TTF1: variants seen among roughly 807,000 people sequenced by gnomAD.
TTF1 encodes the protein transcription termination factor 1, also known as transcription termination factor, RNA polymerase I.
A neutral mutation model predicts 80.2 loss-of-function variants in TTF1; 64 were observed. The observed-to-expected ratio is 0.80, with a 90% confidence interval of 0.65 to 0.98. TTF1 has a LOEUF of 0.98. TTF1 is among the 50% of genes least tolerant of loss of function. TTF1 has a pLI of 0.00. For missense variants in TTF1, 1,023 were observed against 1,086.2 expected (o/e 0.94, Z 0.82); for synonymous variants, 372 against 382.7 (o/e 0.97, Z 0.33).
At chr9:132,378,421 GTGCATGTGGTGTGTGAA>G (rs774852645) in intron 10 of TTF1, among the ~76,000 whole-genome samples, 4,907 of 93,798 alleles carry the variant, frequency 0.052, 589 homozygotes, top group East Asian at 0.16. Context: ...TGTGGTGTGA[GTGCATGTGGTGTGTGAA>G]TGCATGTGGT....
chr9:132,401,977 T>G lies in TTF1; in HGVS notation c.845A>C (p.Lys282Thr). The G allele has an allele frequency of 1.2e-6, 2 of 1,613,944 alleles. No homozygotes were observed. Among genetic ancestry groups the G allele is most frequent in the South Asian group, 1.1e-5 (1 of 91,062 alleles). ...TGCCTCAAATTCCTGGTGATTGGAC[T>G]TTTTCTTCTTTTTTTTCTTAGACTT... ...KKKSKKKKKK[K>T]SNHQEFEALA... Residue 282 changes from lysine to threonine, a missense_variant, in exon 2 of 11, where the codon AAG becomes ACG. By Grantham distance (78) the Lys-to-Thr change is moderately conservative. Coordinates refer to ENST00000334270, the MANE Select transcript of TTF1 (RefSeq NM_007344.4).
intron 6 of TTF1, 43 bp from the exon 7 acceptor site, chr9:132,390,874 G>T: frequency 6.5e-7 from 1 of 1,534,638 alleles, no homozygotes; most frequent in South Asian, 1.2e-5. Flanking sequence ...TAGTCTATTT[G>T]CTTTCAAACA....
chr9:132,399,260 C>A, intron 3 of TTF1, among the ~76,000 whole-genome samples: 1 of 146,724 alleles, frequency 6.8e-6, no homozygotes, highest in Admixed American at 6.8e-5. Context: ...ATAAAAATTT[C>A]AACACAATAC....
intron 9 of TTF1, among the ~76,000 whole-genome samples, chr9:132,385,969 A>T (rs1261752222): frequency 6.6e-6 from 1 of 152,220 alleles, no homozygotes; most frequent in African/African-American, 2.4e-5. Context: ...AATGCCTGGC[A>T]TATAGGCACC....
In TTF1 at chr9:132,384,229, AT is replaced by A. The variant is rs1410445170; in HGVS notation, c.2378+2326del. On this transcript the variant is annotated intron_variant, in intron 9 of 10. Transcript: ENST00000334270. The surrounding 1 kb of genome is among the most constrained non-coding windows in gnomAD (Gnocchi z 4.1). ...CCTAATAAAGTTTCTGAAAAAAATA[AT>A]TGGGCATTGCTAATAAAGCAGTACT... 6.6e-6 allele frequency among the ~76,000 whole-genome samples: 1 copy of A among 152,198 alleles called. No individual in the cohort carries two copies. The highest frequency in any genetic ancestry group is 2.4e-5 in the African/African-American group (1 of 41,448).
At chr9:132,396,687 TGA>T (rs1849657700) in intron 4 of TTF1, among the ~76,000 whole-genome samples, 176 bp from the exon 5 acceptor site, 1 of 135,842 alleles carries the variant, frequency 7.4e-6, no homozygotes, top group Non-Finnish European at 1.6e-5. Flanking sequence ...TTTTTTTTTT[TGA>T]GAGAGTCTCA....
rs1849761429 is a variant in TTF1 at position 132,401,499 on chromosome 9, T to C, written c.1323A>G (p.Lys441=). Reference sequence around the variant, plus strand: ...GCTTGCTTGCCAAACAGGCCTGGGTTTTCTTTTGTCGGGGCCTAGATTTCA... The same window carrying C: ...GCTTGCTTGCCAAACAGGCCTGGGTCTTCTTTTGTCGGGGCCTAGATTTCA... ...EGVKSRPRQK[K]TQACLASKHV... is the part of the protein sequence containing the mutation. The change falls in exon 2 of 11, where the codon AAA becomes AAG. Residue 441 remains lysine (K), a synonymous_variant. Transcript: ENST00000334270. The C allele has an allele frequency of 1.2e-6, 2 of 1,613,872 alleles. No individual in the cohort carries two copies.
chr9:132,396,303 C>A (rs1849646424), intron 5 of TTF1, 130 bp downstream of exon 5: 5 of 901,216 alleles, frequency 5.5e-6, no homozygotes, highest in African/African-American at 3.3e-5. Flanking sequence ...ACAACAAATA[C>A]ACCACCTGGT....
At chr9:132,392,591 T>C (rs1485033707) in intron 5 of TTF1, among the ~76,000 whole-genome samples, 6 of 152,182 alleles carry the variant, frequency 3.9e-5, no homozygotes, top group African/African-American at 1.4e-4. Context: ...GAAGTCCCCG[T>C]TGATTGCTCC....
At chr9:132,387,943 C>G (rs1457538626) in intron 8 of TTF1, among the ~76,000 whole-genome samples, 196 bp downstream of exon 8, 3 of 152,202 alleles carry the variant, frequency 2.0e-5, no homozygotes, top group African/African-American at 7.2e-5. Context: ...GTACGATTAT[C>G]GTCATCCTCA....
In TTF1 at chr9:132,403,694, A is replaced by G. The variant is rs180894350; in HGVS notation, c.-7-866T>C. ...TAAAAAAAAAAGACAAAGAAAAAAG[A>G]AAACAAGGAAGAAAAAGATGGTTTA... On this transcript the variant is annotated intron_variant, in intron 1 of 10. Coordinates refer to ENST00000334270, the MANE Select transcript of TTF1 (RefSeq NM_007344.4). Among the ~76,000 whole-genome samples the G allele has an allele frequency of 1.9e-3, 291 of 152,304 alleles. 1 individual carries two copies. Among genetic ancestry groups the G allele is most frequent in the Non-Finnish European group, 3.0e-3 (203 of 68,026 alleles).
chr9:132,396,451 A>G lies in TTF1; in HGVS notation c.1838T>C (p.Val613Ala). 1 of 1,614,204 alleles carries G rather than the reference A, an allele frequency of 6.2e-7. No homozygotes were observed. Among genetic ancestry groups the G allele is most frequent in the Non-Finnish European group, 8.5e-7 (1 of 1,180,032 alleles). The change falls in exon 5 of 11, where the codon GTC becomes GCC. Residue 613 changes from valine to alanine, a missense_variant. By Grantham distance (64) the Val-to-Ala change is moderately conservative. Coordinates refer to ENST00000334270, the MANE Select transcript of TTF1 (RefSeq NM_007344.4). ...IYYRAKKMFD[V>A]NNYKGRYSEG... is the part of the protein sequence containing the mutation. ...TTCTTACCTGCCTTTGTAATTGTTG[A>G]CATCGAACATCTTCTTTGCTCGATA...
In TTF1 at chr9:132,390,730, C is replaced by T; in HGVS notation, c.2089G>A (p.Val697Met). The T allele has an allele frequency of 3.7e-6, 6 of 1,614,238 alleles. No individual in the cohort carries two copies. Among genetic ancestry groups the T allele is most frequent in the Non-Finnish European group, 5.1e-6 (6 of 1,180,056 alleles). ...GGATTTTCTTGGAGTTTGGAATCCA[C>T]CTCTTTTAACTCCTGGGGAGACATC... is the stretch of plus-strand genomic sequence containing the variant. ...KKMSPQELKE[V>M]DSKLQENPES... The change falls in exon 7 of 11, where the codon GTG becomes ATG. Residue 697 changes from valine to methionine, a missense_variant. Val to Met is a conservative substitution (Grantham distance 21, BLOSUM62 1). Transcript: ENST00000334270.
chr9:132,385,277 T>C (rs1849440655), intron 9 of TTF1, among the ~76,000 whole-genome samples: 1 of 152,138 alleles, frequency 6.6e-6, no homozygotes, highest in Non-Finnish European at 1.5e-5. Context: ...CACGTGGCAC[T>C]GGTATTTTTT....
Position 132,375,978 on chromosome 9 carries a change from C to T in TTF1, c.2655G>A (p.Ala885=), listed in dbSNP as rs111275070. The T allele has an allele frequency of 5.9e-5, 95 of 1,612,796 alleles. 2 individuals carry two copies. In the African/African-American group the frequency reaches 6.7e-4, roughly 11 times the overall value. ...EDIEKESEGQ[A]PCMAHACNSS... is the part of the protein sequence containing the mutation. The stretch of plus-strand genomic sequence containing the variant: ...AATTACAGGCGTGAGCCATGCATGG[C>T]GCCTGGCCTTCGCTTTCTTTTTCTA... The change falls in exon 11 of 11, where the codon GCG becomes GCA. Residue 885 remains alanine, a synonymous_variant. Coordinates refer to ENST00000334270, the MANE Select transcript of TTF1 (RefSeq NM_007344.4).
chr9:132,393,237 T>TCATCCTAC (rs1849589500), intron 5 of TTF1, among the ~76,000 whole-genome samples: 3 of 151,860 alleles, frequency 2.0e-5, no homozygotes, highest in Non-Finnish European at 4.4e-5. Context: ...TAAAGTGCAT[T>TCATCCTAC]CATCCTACAT....
chr9:132,390,143 C>T (rs993805219), intron 7 of TTF1, among the ~76,000 whole-genome samples: 1 of 151,908 alleles, frequency 6.6e-6, no homozygotes, highest in Non-Finnish European at 1.5e-5. Context: ...CCACACTTGG[C>T]TAATTTTTGT....
chr9:132,376,703 C>T (rs1849184150), intron 10 of TTF1, among the ~76,000 whole-genome samples: 1 of 150,470 alleles, frequency 6.6e-6, no homozygotes, highest in South Asian at 2.1e-4. Flanking sequence ...CGCTCTGTCA[C>T]CCCAGCTGAA....
In TTF1 at chr9:132,396,515, A is replaced by C; in HGVS notation, c.1778-4T>G. 6.2e-7 allele frequency: 1 copy of C among 1,613,988 alleles called. No individual in the cohort carries two copies. Among genetic ancestry groups the C allele is most frequent in the Non-Finnish European group, 8.5e-7 (1 of 1,179,894 alleles). On this transcript the variant is annotated splice_region_variant and splice_polypyrimidine_tract_variant and intron_variant, in intron 4 of 10. Coordinates refer to ENST00000334270, the MANE Select transcript of TTF1 (RefSeq NM_007344.4). The stretch of plus-strand genomic sequence containing the variant: ...CAGGGCCGGGCAATGTTCCTACCTA[A>C]AGTCAGAAGAAAGGTGATCAGAGGG...
Sources: allele counts gnomAD v4.1 joint callset (sites outside exome capture counted in the v4.1 genomes callset), GRCh38; gene constraint gnomAD v4.1.1; non-coding constraint Gnocchi (gnomAD v3.1); transcripts MANE v1.5; gene names NCBI Gene and HGNC (gene_info 2026-07-23, HGNC 2026-07-21).